The following WWTR1 variants were observed in gnomAD, a reference collection of about 807,000 sequenced individuals.
WWTR1 encodes WW domain containing transcription regulator 1.
A neutral mutation model predicts 40.1 loss-of-function variants in WWTR1; 13 were observed. That is an observed-to-expected ratio of 0.32 (90% CI 0.21 to 0.52). The LOEUF is 0.52. Ranked by LOEUF, WWTR1 falls within the 20% of genes least tolerant of loss-of-function variation. The probability of loss-of-function intolerance (pLI) is 0.97; values close to 1 mark genes in which losing one functional copy is unlikely to be tolerated. For missense variants in WWTR1, 436 were observed against 523.1 expected (o/e 0.83, Z 1.63); for synonymous variants, 230 against 210.1 (o/e 1.09, Z -0.82).
chr3:149,718,191 T>C (rs185650542), intron 4 of WWTR1, among the ~76,000 whole-genome samples: 31 of 152,344 alleles, frequency 2.0e-4, no homozygotes, highest in Admixed American at 1.3e-3. Flanking sequence ...CTTCTCATTG[T>C]GACCTTACGT....
chr3:149,603,014 C>T (rs1292919518), intron 2 of WWTR1, among the ~76,000 whole-genome samples: 3 of 151,456 alleles, frequency 2.0e-5, no homozygotes, highest in African/African-American at 7.3e-5. Context: ...AAATAAATAA[C>T]CAGGCTTCTT....
intron 2 of WWTR1, among the ~76,000 whole-genome samples, chr3:149,615,592 G>A (rs905713105): frequency 3.9e-5 from 6 of 152,028 alleles, no homozygotes; most frequent in Admixed American, 6.6e-5. Context: ...TCAGTATTTC[G>A]TACCCAGTGC....
intron 4 of WWTR1, among the ~76,000 whole-genome samples, chr3:149,538,316 C>CT (rs35338957): frequency 6.9e-4 from 104 of 151,492 alleles, no homozygotes; most frequent in Non-Finnish European, 1.1e-3. Context: ...ATAAGAATTG[C>CT]TTTTTTTTTC....
At chr3:149,602,098 C>A (rs1259066542) in intron 2 of WWTR1, among the ~76,000 whole-genome samples, 1 of 152,066 alleles carries the variant, frequency 6.6e-6, no homozygotes, top group African/African-American at 2.4e-5. Context: ...GAAAAACTAC[C>A]AATATGCATT....
chr3:149,656,646 ACTGCTTCTGATCC>A (rs1419769368), intron 2 of WWTR1, among the ~76,000 whole-genome samples: 1 of 151,874 alleles, frequency 6.6e-6, no homozygotes, highest in Non-Finnish European at 1.5e-5. Context: ...GAACTTCACC[ACTGCTTCTGATCC>A]CTGCTTCTGA....
intron 2 of WWTR1, among the ~76,000 whole-genome samples, chr3:149,663,067 C>G (rs562758021): frequency 2.4e-4 from 37 of 152,142 alleles, no homozygotes; most frequent in Admixed American, 2.2e-3. Flanking sequence ...GAGTCTTACT[C>G]TGTCACCCAG....
chr3:149,597,084 T>C (rs1739031466), intron 2 of WWTR1, among the ~76,000 whole-genome samples: 1 of 152,174 alleles, frequency 6.6e-6, no homozygotes, highest in African/African-American at 2.4e-5. Flanking sequence ...CTTAACATGG[T>C]GCCTAGAACA....
chr3:149,605,145 G>C (rs1203724341), intron 2 of WWTR1, among the ~76,000 whole-genome samples: 1 of 152,200 alleles, frequency 6.6e-6, no homozygotes, highest in Non-Finnish European at 1.5e-5. Flanking sequence ...TGGAGACCTG[G>C]TCACAGGGCC....
intron 2 of WWTR1, among the ~76,000 whole-genome samples, chr3:149,577,085 A>T (rs1737919203): frequency 6.6e-6 from 1 of 152,124 alleles, no homozygotes; most frequent in Admixed American, 6.5e-5. Flanking sequence ...TGAACCCAGG[A>T]GGCGGAGATT....
chr3:149,710,284 A>G (rs1715441713), intron 5 of WWTR1, among the ~76,000 whole-genome samples: 1 of 152,178 alleles, frequency 6.6e-6, no homozygotes, highest in African/African-American at 2.4e-5. Context: ...ACCCAGGTCC[A>G]ACAAGACTTG....
intron 3 of WWTR1, among the ~76,000 whole-genome samples, chr3:149,543,710 A>G (rs1457105085): frequency 6.6e-6 from 1 of 150,522 alleles, no homozygotes; most frequent in African/African-American, 2.4e-5. Flanking sequence ...AAAATTGTTT[A>G]CCAGTCAAAT....
At chr3:149,661,719 C>A (rs970935202), upstream of WWTR1, among the ~76,000 whole-genome samples, 1 of 150,180 alleles carries the variant, frequency 6.7e-6, no homozygotes, top group South Asian at 2.1e-4. Flanking sequence ...CCACCATGCC[C>A]GGCCACAAAT....
intron 6 of WWTR1, among the ~76,000 whole-genome samples, chr3:149,525,463 A>G (rs561292615): frequency 6.6e-6 from 1 of 152,122 alleles, no homozygotes; most frequent in African/African-American, 2.4e-5. Flanking sequence ...AAAAAAAACA[A>G]CAGAATTTAA....
intron 2 of WWTR1, among the ~76,000 whole-genome samples, chr3:149,620,604 T>G (rs1158043689): frequency 6.9e-6 from 1 of 145,982 alleles, no homozygotes; most frequent in Non-Finnish European, 1.5e-5. Context: ...TGTAAAAGAC[T>G]TCTTTAAAAC....
intron 2 of WWTR1, among the ~76,000 whole-genome samples, chr3:149,624,893 A>G (rs902123750): frequency 6.7e-6 from 1 of 150,330 alleles, no homozygotes. Context: ...TATTTTATTT[A>G]TTTATTTTTT....
chr3:149,571,076 A>G lies in WWTR1; in HGVS notation c.568+1788T>C, dbSNP rs562530769. 2.0e-5 allele frequency among the ~76,000 whole-genome samples: 3 copies of G among 152,322 alleles called. No homozygotes were observed. In the East Asian group the frequency reaches 5.8e-4, roughly 29 times the overall value. On this transcript the variant is annotated intron_variant, in intron 3 of 6. Coordinates refer to ENST00000360632, the MANE Select transcript of WWTR1 (RefSeq NM_015472.6). ...AGGTGAAAAAAGCAAGATACAGAAC[A>G]GTGGTTATGATATGCTAACCTTAGT...
At chr3:149,544,186 G>A (rs1175193019) in intron 3 of WWTR1, among the ~76,000 whole-genome samples, 1 of 152,048 alleles carries the variant, frequency 6.6e-6, no homozygotes, top group Admixed American at 6.6e-5. Context: ...TTAAATATAT[G>A]TATTAAATGT....
At chr3:149,704,135 G>A (rs948351357), upstream of WWTR1, among the ~76,000 whole-genome samples, 12 of 152,100 alleles carry the variant, frequency 7.9e-5, no homozygotes, top group African/African-American at 2.9e-4. Flanking sequence ...GAGCCACCAT[G>A]CCTGGCCAAG....
chr3:149,664,260 C>A (rs552188984), intron 2 of WWTR1, among the ~76,000 whole-genome samples: 2 of 152,316 alleles, frequency 1.3e-5, no homozygotes, highest in East Asian at 3.9e-4. Context: ...GCAAAACAGA[C>A]AAGGACCTTG....
Sources: gnomAD v4.1 joint callset for allele counts (sites outside exome capture counted in the v4.1 genomes callset) on GRCh38, gnomAD v4.1.1 for gene constraint, MANE v1.5 for transcripts, NCBI Gene and HGNC (gene_info 2026-07-23, HGNC 2026-07-21) for gene names.